The following CLYBL variants were observed in gnomAD, a reference collection of about 807,000 sequenced individuals.
The protein encoded by CLYBL is citramalyl-CoA lyase, mitochondrial.
CLYBL carries 31 observed loss-of-function variants against 38.9 expected under a neutral mutation model. The ratio of observed to expected loss-of-function variants is 0.80; its 90% CI spans 0.60 to 1.08. CLYBL has a LOEUF of 1.08. Among genes scored for constraint, CLYBL ranks in the 50% least tolerant of loss-of-function variants. CLYBL has a pLI of 0.00. For synonymous variants in CLYBL, 171 were observed against 158.6 expected (o/e 1.08, Z -0.59); for missense variants, 434 against 411.6 (o/e 1.05, Z -0.47).
At chr13:99,833,191 G>A (rs1274548775) in intron 2 of CLYBL, among the ~76,000 whole-genome samples, 1 of 150,010 alleles carries the variant, frequency 6.7e-6, no homozygotes, top group African/African-American at 2.4e-5. Context: ...ACAGGCACCT[G>A]CCACCACACC....
At chr13:99,690,503 G>T (rs956509496) in intron 1 of CLYBL, 1 of 151,960 alleles carries the variant, frequency 6.6e-6, no homozygotes. Flanking sequence ...AGGAAGCACC[G>T]TAATACCGCA....
At chr13:99,879,977 A>C (rs897654928) in intron 7 of CLYBL, among the ~76,000 whole-genome samples, 3 of 151,652 alleles carry the variant, frequency 2.0e-5, no homozygotes, top group Admixed American at 2.0e-4. Context: ...GTGTGGCCAC[A>C]GTAGTGACAG....
intron 1 of CLYBL, among the ~76,000 whole-genome samples, chr13:99,618,876 G>T (rs2046753351): frequency 6.6e-6 from 1 of 152,244 alleles, no homozygotes; most frequent in South Asian, 2.1e-4. Context: ...GTTACAGCAG[G>T]TATCTGATTT....
chr13:99,744,824 G>C lies in CLYBL; in HGVS notation c.63-28000G>C, dbSNP rs80260394. On this transcript the variant is annotated intron_variant, in intron 1 of 8. Transcript: ENST00000339105. ...CTGAGCAGGCAGAAGCTGCATCCCA[G>C]GTAGTAGGTCTGTCTGCTACTGGGT... Among the ~76,000 whole-genome samples, 679 of 152,306 alleles carry C rather than the reference G, an allele frequency of 4.5e-3. 7 individuals are homozygous for C. The highest frequency in any genetic ancestry group is 0.016 in the African/African-American group (653 of 41,574).
intron 8 of CLYBL, among the ~76,000 whole-genome samples, chr13:99,903,465 T>A (rs577898956): frequency 2.0e-5 from 3 of 152,086 alleles, no homozygotes; most frequent in Non-Finnish European, 4.4e-5. Flanking sequence ...CCTTAGCAAA[T>A]AGCAAAAAGT....
chr13:99,860,536 T>G (rs1019414439), intron 3 of CLYBL, among the ~76,000 whole-genome samples: 1 of 152,212 alleles, frequency 6.6e-6, no homozygotes, highest in African/African-American at 2.4e-5. Flanking sequence ...AGATATGTCT[T>G]AAGTTGATTG....
chr13:99,770,250 G>C (rs975237960), intron 1 of CLYBL, among the ~76,000 whole-genome samples: 1 of 151,766 alleles, frequency 6.6e-6, no homozygotes, highest in Admixed American at 6.6e-5. Flanking sequence ...ACTGTGCCCG[G>C]CTGATATTTG....
chr13:99,633,654 A>G (rs2046980333), intron 1 of CLYBL, among the ~76,000 whole-genome samples: 1 of 152,018 alleles, frequency 6.6e-6, no homozygotes, highest in African/African-American at 2.4e-5. Flanking sequence ...TTTTGTGTTG[A>G]TGAAAGTGTT....
chr13:99,668,850 A>T (rs990386842), intron 1 of CLYBL, among the ~76,000 whole-genome samples: 1 of 152,110 alleles, frequency 6.6e-6, no homozygotes, highest in Admixed American at 6.5e-5. Context: ...CAAGGCCGTG[A>T]TATGATTGAA....
At chr13:99,619,052 G>A (rs2046755912) in intron 1 of CLYBL, among the ~76,000 whole-genome samples, 1 of 152,170 alleles carries the variant, frequency 6.6e-6, no homozygotes, top group Non-Finnish European at 1.5e-5. Flanking sequence ...AGCCTAAAGT[G>A]GATTTCTTTG....
At chr13:99,881,767 A>G (rs146324254) in intron 7 of CLYBL, among the ~76,000 whole-genome samples, 19 of 152,302 alleles carry the variant, frequency 1.2e-4, no homozygotes, top group African/African-American at 3.8e-4. Context: ...ACAAAGGGTT[A>G]CTGATATTCA....
At chr13:99,894,113 A>C (rs1394278154), downstream of CLYBL, 3 of 152,234 alleles carry the variant, frequency 2.0e-5, no homozygotes, top group African/African-American at 7.2e-5. Flanking sequence ...TCAGAAACCC[A>C]TGGTGCCTTA....
intron 1 of CLYBL, among the ~76,000 whole-genome samples, chr13:99,684,256 T>C (rs1380386026): frequency 6.8e-6 from 1 of 147,010 alleles, no homozygotes; most frequent in African/African-American, 2.6e-5. Context: ...TGGCGCGATC[T>C]GCAACCTCTG....
At chr13:99,785,692 G>A (rs1028639719) in intron 2 of CLYBL, among the ~76,000 whole-genome samples, 9 of 151,988 alleles carry the variant, frequency 5.9e-5, no homozygotes, top group South Asian at 2.1e-4. Flanking sequence ...TGCCTCCCAG[G>A]TTCAAGCAGT....
chr13:99,821,346 A>C (rs2050584346), intron 2 of CLYBL, among the ~76,000 whole-genome samples: 1 of 152,200 alleles, frequency 6.6e-6, no homozygotes, highest in African/African-American at 2.4e-5. Context: ...CCAGCACCTA[A>C]CCGTGCCTGG....
intron 1 of CLYBL, among the ~76,000 whole-genome samples, chr13:99,643,482 A>G (rs1341413579): frequency 6.6e-6 from 1 of 152,204 alleles, no homozygotes; most frequent in African/African-American, 2.4e-5. Context: ...ACCAAGGGGC[A>G]TATGCATTTC....
intron 2 of CLYBL, among the ~76,000 whole-genome samples, chr13:99,845,210 A>C (rs1395058686): frequency 6.6e-6 from 1 of 152,154 alleles, no homozygotes; most frequent in African/African-American, 2.4e-5. Flanking sequence ...GGTTTAGAGA[A>C]GCCGTTGAAC....
chr13:99,732,695 TTAAGATATGAAAA>T (rs770043903), intron 1 of CLYBL, among the ~76,000 whole-genome samples: 7 of 152,120 alleles, frequency 4.6e-5, no homozygotes, highest in Non-Finnish European at 8.8e-5. Context: ...AAAAATTGAG[TTAAGATATGAAAA>T]TAAGATATGA....
At chr13:99,887,263 A>AG (rs1412992521) in intron 7 of CLYBL, among the ~76,000 whole-genome samples, 1 of 152,120 alleles carries the variant, frequency 6.6e-6, no homozygotes, top group Non-Finnish European at 1.5e-5. Context: ...GTTCTGATTC[A>AG]GGGGGTCACA....
Sources: allele counts gnomAD v4.1 joint callset (sites outside exome capture counted in the v4.1 genomes callset), GRCh38; gene constraint gnomAD v4.1.1; transcripts MANE v1.5; gene names NCBI Gene and HGNC (gene_info 2026-07-23, HGNC 2026-07-21).